Variants in HERC2 observed in about 807,000 individuals in gnomAD.
The protein encoded by HERC2 is HECT and RLD domain containing E3 ubiquitin protein ligase 2, also known as E3 ubiquitin-protein ligase HERC2.
A neutral mutation model predicts 537.7 loss-of-function variants in HERC2; 102 were observed. The ratio of observed to expected loss-of-function variants is 0.19; its 90% confidence interval spans 0.16 to 0.22. The LOEUF is 0.22. HERC2 is among the 10% of genes least tolerant of loss of function. HERC2 has a pLI of 1.00. For missense variants in HERC2, 4,236 were observed against 6,198.2 expected (o/e 0.68, Z 10.63); for synonymous variants, 2,224 against 2,466.2 (o/e 0.90, Z 2.91).
chr15:28,128,202 A>T (rs1889715093), intron 83 of HERC2, among the ~76,000 whole-genome samples: 1 of 152,238 alleles, frequency 6.6e-6, no homozygotes, highest in Admixed American at 6.5e-5. Flanking sequence ...AGGCACTGAG[A>T]GAGTGTCACA....
At chr15:28,258,504 C>T (rs1164126024) in intron 16 of HERC2, among the ~76,000 whole-genome samples, 1 of 151,286 alleles carries the variant, frequency 6.6e-6, no homozygotes, top group Non-Finnish European at 1.5e-5. Flanking sequence ...ATCCATGGGT[C>T]AAAAAAACAA....
intron 20 of HERC2, 100 bp downstream of exon 20, chr15:28,254,240 G>A (rs1456780847): frequency 2.8e-5 from 22 of 779,566 alleles, no homozygotes; most frequent in Middle Eastern, 3.7e-4. Context: ...CCAAGATGGC[G>A]CCATAGCACT....
intron 4 of HERC2, among the ~76,000 whole-genome samples, chr15:28,282,662 G>A (rs565065694): frequency 4.4e-4 from 67 of 152,276 alleles, no homozygotes; most frequent in African/African-American, 1.5e-3. Flanking sequence ...GGCAGGGCAC[G>A]GTGGCTCACA....
chr15:28,114,277 CT>C (rs1293124576), intron 90 of HERC2, among the ~76,000 whole-genome samples: 1 of 152,206 alleles, frequency 6.6e-6, no homozygotes, highest in Non-Finnish European at 1.5e-5. Flanking sequence ...CTCAAGCAGC[CT>C]GGAGGGGGTT....
chr15:28,249,932 GGCGTGA>G (rs1007272992), intron 20 of HERC2, among the ~76,000 whole-genome samples: 1 of 152,058 alleles, frequency 6.6e-6, no homozygotes, highest in African/African-American at 2.4e-5. Context: ...TGGGATTACA[GGCGTGA>G]GCCACCACGC....
intron 78 of HERC2, 81 bp from the exon 79 acceptor site, chr15:28,135,773 T>C (rs1298366667): frequency 4.0e-6 from 4 of 1,011,678 alleles, no homozygotes; most frequent in South Asian, 3.0e-5. Flanking sequence ...ACCTAATCCA[T>C]GCTTTAGACA....
At chr15:28,147,271 G>A (rs979297522) in intron 70 of HERC2, among the ~76,000 whole-genome samples, 5 of 140,228 alleles carry the variant, frequency 3.6e-5, no homozygotes, top group Non-Finnish European at 7.8e-5. Context: ...TCTAGGAAAA[G>A]GCTGACTAGA....
chr15:28,183,464 C>T (rs1269645180), intron 56 of HERC2, among the ~76,000 whole-genome samples: 1 of 152,172 alleles, frequency 6.6e-6, no homozygotes, highest in Non-Finnish European at 1.5e-5. Flanking sequence ...CCTCCCTGCT[C>T]AGCCTCCTAA....
chr15:28,183,807 G>A (rs964647503), intron 56 of HERC2, among the ~76,000 whole-genome samples: 19 of 152,134 alleles, frequency 1.2e-4, no homozygotes, highest in African/African-American at 4.3e-4. Context: ...GAATAAAAGT[G>A]GAAAACTCTT....
At chr15:28,146,016 C>T (rs112152022) in intron 71 of HERC2, among the ~76,000 whole-genome samples, 2 of 152,154 alleles carry the variant, frequency 1.3e-5, no homozygotes, top group African/African-American at 4.8e-5. Context: ...AGGGCCCATC[C>T]GACAGGGATG....
chr15:28,299,730 T>C (rs938804124), intron 2 of HERC2, among the ~76,000 whole-genome samples: 6 of 152,216 alleles, frequency 3.9e-5, no homozygotes, highest in African/African-American at 1.4e-4. Context: ...GTATAAATAC[T>C]ATGCTACCTC....
intron 86 of HERC2, among the ~76,000 whole-genome samples, chr15:28,120,799 C>A (rs920587383): frequency 6.6e-6 from 1 of 152,228 alleles, no homozygotes; most frequent in Non-Finnish European, 1.5e-5. Flanking sequence ...ACCGAAGATA[C>A]ACCCAGATAG....
At chr15:28,149,366 GCGGC>G (rs1186720749) in intron 70 of HERC2, among the ~76,000 whole-genome samples, 15 of 144,466 alleles carry the variant, frequency 1.0e-4, no homozygotes, top group African/African-American at 3.6e-4. Flanking sequence ...AAAAACACAC[GCGGC>G]TCCTAACCGA....
At chr15:28,235,293 C>A (rs1328311136) in intron 26 of HERC2, among the ~76,000 whole-genome samples, 1 of 152,108 alleles carries the variant, frequency 6.6e-6, no homozygotes, top group Non-Finnish European at 1.5e-5. Flanking sequence ...CCAAGATAAG[C>A]CTCTGATCCT....
At position 28,141,511 on chromosome 15, in the gene HERC2, C is replaced by A. The variant is rs1566936203; in HGVS notation, c.11936G>T (p.Cys3979Phe). Residue 3979 changes from cysteine (C) to phenylalanine (F), a missense_variant, in exon 78 of 93, where the codon TGT (cysteine) becomes TTT (phenylalanine). Physicochemically the swap from Cys to Phe is radical, Grantham distance 205. Around this residue, in one of 27 missense-constraint regions of HERC2, gnomAD observed 156 missense variants for 172.3 expected, o/e 0.91. Transcript: ENST00000261609. ...EGAKVKVPTP[C>F]EALATLRPVQ... Reference sequence around the variant, plus strand: ...GGGTCTGAGAGTTGCAAGGGCTTCACAGGGAGTGGGAACTTTGACTTTTGC... The same window carrying A: ...GGGTCTGAGAGTTGCAAGGGCTTCAAAGGGAGTGGGAACTTTGACTTTTGC... The A allele has an allele frequency of 6.2e-7, 1 of 1,614,036 alleles. No homozygotes were observed. Among genetic ancestry groups the A allele is most frequent in the Non-Finnish European group, 8.5e-7 (1 of 1,180,048 alleles).
At chr15:28,200,119 G>C (rs1897756700) in intron 48 of HERC2, among the ~76,000 whole-genome samples, 1 of 152,106 alleles carries the variant, frequency 6.6e-6, no homozygotes, top group Non-Finnish European at 1.5e-5. Context: ...ACTCCAGGAT[G>C]GGCATGGTGG....
intron 82 of HERC2, 52 bp downstream of exon 82, chr15:28,130,451 C>T: frequency 6.3e-7 from 1 of 1,576,832 alleles, no homozygotes; most frequent in Non-Finnish European, 8.7e-7. Flanking sequence ...GGTGCACATA[C>T]CCCAATAAAA....
At chr15:28,243,071 G>A (rs1903293382) in intron 23 of HERC2, among the ~76,000 whole-genome samples, 1 of 152,130 alleles carries the variant, frequency 6.6e-6, no homozygotes, top group African/African-American at 2.4e-5. Flanking sequence ...AGTCACTAGG[G>A]GAAAAGCTGC....
In HERC2 at chr15:28,175,594, A is replaced by T; in HGVS notation, c.9749T>A (p.Val3250Glu). 1.9e-6 allele frequency: 3 copies of T among 1,613,810 alleles called. No individual in the cohort carries two copies. Among genetic ancestry groups the T allele is most frequent in the Non-Finnish European group, 2.5e-6 (3 of 1,179,938 alleles). Residue 3250 changes from valine (V) to glutamate (E), a missense_variant, in exon 64 of 93, where the codon GTG becomes GAG. By Grantham distance (121) the Val-to-Glu change is moderately radical. This residue lies in a region of HERC2 where 93 missense variants were observed against 265.1 expected (regional missense o/e 0.35). Transcript: ENST00000261609. ...CTTCTTCCCTCTCAGCCCTTCCACC[A>T]CCTGTGGTTTCCGCACGTGCACGTC... ...GSDVHVRKPQ[V>E]VEGLRGKKIV...
Sources: allele counts gnomAD v4.1 joint callset (sites outside exome capture counted in the v4.1 genomes callset), GRCh38; gene constraint gnomAD v4.1.1; regional missense constraint gnomAD v4.1.1; transcripts MANE v1.5; gene names NCBI Gene and HGNC (gene_info 2026-07-23, HGNC 2026-07-21).